Variants in KNTC1 observed in about 807,000 individuals in gnomAD.
KNTC1 encodes the protein kinetochore-associated protein 1.
In KNTC1, 253 loss-of-function variants were observed where a neutral mutation model predicts 314.4. That is an observed-to-expected ratio of 0.80 (90% CI 0.73 to 0.89). The LOEUF (loss-of-function observed/expected upper bound fraction) is 0.89. KNTC1 is among the 40% of genes least tolerant of loss of function. The pLI is 0.00. For synonymous variants in KNTC1, 901 were observed against 901.4 expected (o/e 1.00, Z 0.01); for missense variants, 2,475 against 2,572.9 (o/e 0.96, Z 0.82).
chr12:122,555,894 C>T (rs536571483), intron 16 of KNTC1, among the ~76,000 whole-genome samples: 4 of 152,016 alleles, frequency 2.6e-5, no homozygotes, highest in African/African-American at 7.2e-5. Flanking sequence ...TATATACTTT[C>T]GATGTGCAAT....
At chr12:122,535,216 C>G (rs1230403490) in intron 3 of KNTC1, among the ~76,000 whole-genome samples, 1 of 152,160 alleles carries the variant, frequency 6.6e-6, no homozygotes, top group Non-Finnish European at 1.5e-5. Context: ...CAAGTACATG[C>G]AAATGTGGAT....
rs1874823457 is a variant in KNTC1 at position 122,624,674 on chromosome 12, T to G, written c.6592T>G (p.Cys2198Gly). The change falls in exon 63 of 64, where the codon TGT becomes GGT. Residue 2198 changes from cysteine (C) to glycine (G), a missense_variant. Cys to Gly is a radical substitution (Grantham distance 159, BLOSUM62 -3). Transcript: ENST00000333479. Reference sequence around the variant, plus strand: ...ACCTGTGCCTCCAGACACTGCTCCCTGTGAAATTCTGAAGGTAAAGCTGAT... The same window carrying G: ...ACCTGTGCCTCCAGACACTGCTCCCGGTGAAATTCTGAAGGTAAAGCTGAT... ...GKPVPPDTAP[C>G]EILKMFLSGL... 4 of 1,612,312 alleles carry G rather than the reference T, an allele frequency of 2.5e-6. No homozygotes were observed. In the East Asian group the frequency reaches 8.9e-5, roughly 36 times the overall value.
intron 2 of KNTC1, among the ~76,000 whole-genome samples, chr12:122,533,864 C>T (rs76823734): frequency 0.019 from 2,841 of 150,948 alleles, 88 homozygotes; most frequent in African/African-American, 0.061. Flanking sequence ...ATACTATGTG[C>T]AGGGCTCTCT....
chr12:122,614,126 C>T (rs1873496034), intron 55 of KNTC1, among the ~76,000 whole-genome samples: 1 of 152,124 alleles, frequency 6.6e-6, no homozygotes, highest in Admixed American at 6.6e-5. Flanking sequence ...CCACTGCACC[C>T]GACCCAGGAA....
At position 122,618,468 on chromosome 12, in the gene KNTC1, T is replaced by G. The variant is rs771118146; in HGVS notation, c.6086-14T>G. The G allele has an allele frequency of 5.1e-6, 8 of 1,571,026 alleles. No individual in the cohort carries two copies. The African/African-American group carries it at 1.1e-4, about 22-fold the overall frequency. On this transcript the variant is annotated splice_polypyrimidine_tract_variant and intron_variant, in intron 58 of 63. Coordinates refer to ENST00000333479, the MANE Select transcript of KNTC1 (RefSeq NM_014708.6). ...TGTGTGTATATCATGGTTGTTTTTT[T>G]GTTTTGTTTTCAGCCTCTTGTCCTT...
At chr12:122,622,948 CA>C (rs35444192) in intron 62 of KNTC1, among the ~76,000 whole-genome samples, 8,611 of 138,548 alleles carry the variant, frequency 0.062, 245 homozygotes, top group African/African-American at 0.071. Context: ...AACTCTGTCT[CA>C]AAAAAAAAAA....
At position 122,530,207 on chromosome 12, in the gene KNTC1, A is replaced by G; in HGVS notation, c.129+15A>G. 1 of 1,609,702 alleles carries G rather than the reference A, an allele frequency of 6.2e-7. No individual in the cohort carries two copies. The highest frequency in any genetic ancestry group is 8.5e-7 in the Non-Finnish European group (1 of 1,177,342). ...CTTCTGAAAAGGTAGTGATTATTAC[A>G]CTGACTGTTTCATTCACAGAATTTT... is the stretch of plus-strand genomic sequence containing the variant. On this transcript the variant is annotated intron_variant, in intron 2 of 63. Transcript: ENST00000333479.
chr12:122,534,828 A>G (rs971328086), intron 3 of KNTC1, 44 bp downstream of exon 3: 3 of 1,583,728 alleles, frequency 1.9e-6, no homozygotes, highest in African/African-American at 1.3e-5. Context: ...TTGGAAGTCA[A>G]ATACATCTGC....
chr12:122,622,925 G>C (rs1442600873), intron 62 of KNTC1, among the ~76,000 whole-genome samples: 1 of 151,752 alleles, frequency 6.6e-6, no homozygotes, highest in Non-Finnish European at 1.5e-5. Flanking sequence ...TCCAGCCTGG[G>C]CAACAGGAGC....
At position 122,530,079 on chromosome 12, in the gene KNTC1, G is replaced by A. The variant is rs1356725949; in HGVS notation, c.16G>A (p.Glu6Lys). The stretch of plus-strand genomic sequence containing the variant: ...TCTCAGAAACATGTGGAATGATATT[G>A]AGCTGCTAACAAATGATGATACCGG... MWNDI[E>K]LLTNDDTGSG... Residue 6 changes from glutamate (E) to lysine (K), a missense_variant, in exon 2 of 64, where the codon GAG becomes AAG. By Grantham distance (56) the Glu-to-Lys change is moderately conservative (BLOSUM62 1). Coordinates refer to ENST00000333479, the MANE Select transcript of KNTC1 (RefSeq NM_014708.6). 1.5e-5 allele frequency: 25 copies of A among 1,613,618 alleles called. No homozygotes were observed. Among genetic ancestry groups the A allele is most frequent in the Non-Finnish European group, 1.9e-5 (22 of 1,179,778 alleles).
intron 49 of KNTC1, 53 bp downstream of exon 49, chr12:122,604,690 C>T (rs900828067): frequency 2.4e-5 from 33 of 1,348,874 alleles, no homozygotes; most frequent in Non-Finnish European, 3.5e-5. Context: ...TTAAATTGTA[C>T]TAGCTTAATT....
chr12:122,528,311 TTC>T (rs1408213621), intron 1 of KNTC1, among the ~76,000 whole-genome samples: 8 of 152,236 alleles, frequency 5.3e-5, no homozygotes, highest in Non-Finnish European at 8.8e-5. Flanking sequence ...CATGTTTTGT[TTC>T]TGTTCCCTTG....
chr12:122,533,103 T>C (rs1431055885), intron 2 of KNTC1, among the ~76,000 whole-genome samples: 1 of 151,448 alleles, frequency 6.6e-6, no homozygotes, highest in African/African-American at 2.4e-5. Context: ...AGGAGAACAG[T>C]CTAGAGAGAA....
intron 42 of KNTC1, chr12:122,592,736 G>A (rs1870447289): frequency 6.6e-6 from 1 of 152,202 alleles, no homozygotes; most frequent in South Asian, 2.1e-4. Context: ...TGTCAAAACA[G>A]GCCACTCGGC....
intron 20 of KNTC1, among the ~76,000 whole-genome samples, chr12:122,565,114 T>A (rs895362869): frequency 1.1e-4 from 17 of 152,066 alleles, no homozygotes; most frequent in South Asian, 1.0e-3. Context: ...TGCAAAAAAA[T>A]TTTTTTTAAA....
chr12:122,610,728 C>G lies in KNTC1; in HGVS notation c.5544-94C>G, dbSNP rs137869358. The G allele has an allele frequency of 6.0e-4, 468 of 785,784 alleles. 4 individuals carry two copies. In the East Asian group the frequency reaches 0.011, roughly 19 times the overall value. 48.7% of individuals were successfully genotyped at this position (785,784 alleles called of 1,614,324 possible). Reference sequence around the variant, plus strand: ...TCCTTCTGATCTGCCTTTGAGTTGTCTAATGACCGTTCCATGGATAGAAAG... The same window carrying G: ...TCCTTCTGATCTGCCTTTGAGTTGTGTAATGACCGTTCCATGGATAGAAAG... On this transcript the variant is annotated intron_variant, in intron 52 of 63. Transcript: ENST00000333479.
At chr12:122,623,107 GAC>G (rs942684096) in intron 62 of KNTC1, among the ~76,000 whole-genome samples, 28 of 152,242 alleles carry the variant, frequency 1.8e-4, no homozygotes, top group Middle Eastern at 3.4e-3. Context: ...CTTAGAATCT[GAC>G]AATTAAACAG....
At chr12:122,584,852 A>G (rs1869001001) in intron 35 of KNTC1, 41 bp from the exon 36 acceptor site, 2 of 1,021,472 alleles carry the variant, frequency 2.0e-6, no homozygotes, top group South Asian at 2.8e-5. Context: ...TCCTAAAGAC[A>G]TGAAATATGA....
chr12:122,604,523 G>A, intron 48 of KNTC1, 41 bp from the exon 49 acceptor site: 1 of 1,106,534 alleles, frequency 9.0e-7, no homozygotes, highest in East Asian at 2.6e-5. Context: ...ATTAAGATTT[G>A]CCTGTAAATC....
Sources: gnomAD v4.1 joint callset for allele counts (sites outside exome capture counted in the v4.1 genomes callset) on GRCh38, gnomAD v4.1.1 for gene constraint, MANE v1.5 for transcripts, NCBI Gene and HGNC (gene_info 2026-07-23, HGNC 2026-07-21) for gene names.